The following NCOR2 variants were observed in gnomAD, a reference collection of about 807,000 sequenced individuals.
NCOR2 encodes CTG repeat protein 26.
Under a neutral mutation model 262.9 loss-of-function variants are expected in NCOR2, and 81 were observed. The ratio of observed to expected loss-of-function variants is 0.31; its 90% CI spans 0.26 to 0.37. The LOEUF (loss-of-function observed/expected upper bound fraction) is 0.37. Ranked by LOEUF, NCOR2 falls within the 10% of genes least tolerant of loss-of-function variation. NCOR2 has a pLI of 1.00. For missense variants in NCOR2, 3,385 were observed against 3,621.4 expected, an observed-to-expected ratio of 0.93 and a Z score of 1.68; for synonymous variants, 1,659 against 1,559.3, an observed-to-expected ratio of 1.06 and a Z score of -1.51.
At chr12:124,486,467 C>T in exon 2 of NCOR2, 1 of 1,612,712 alleles carries the variant, frequency 6.2e-7, no homozygotes. Context: ...GGAACTCAGA[C>T]AGCAGGGAGG....
In NCOR2 at chr12:124,414,145, C is replaced by T. The variant is rs12582084; in HGVS notation, c.1482+5812G>A. Among the ~76,000 whole-genome samples the T allele has an allele frequency of 4.6e-3, 703 of 152,330 alleles. 16 individuals are homozygous for T. In the East Asian group the frequency reaches 0.066, roughly 14 times the overall value. The stretch of plus-strand genomic sequence containing the variant: ...TCAGGGCTGGCTTCCAGAAGGCTGG[C>T]TTTATGGCCAGTGTGCTGCCGAGGG... On this transcript the variant is annotated intron_variant, in intron 13 of 46. Coordinates refer to ENST00000405201, the Ensembl canonical transcript of NCOR2.
At chr12:124,331,223 T>C (rs1437605619) in intron 43 of NCOR2, among the ~76,000 whole-genome samples, 1 of 151,856 alleles carries the variant, frequency 6.6e-6, no homozygotes, top group Non-Finnish European at 1.5e-5. Context: ...CCACCACGCC[T>C]GGCTAATTTT....
chr12:124,472,712 CG>C (rs2046891797), intron 4 of NCOR2, among the ~76,000 whole-genome samples: 1 of 152,168 alleles, frequency 6.6e-6, no homozygotes, highest in African/African-American at 2.4e-5. Context: ...GTTCCTCAGT[CG>C]CAGTAGGCAC....
chr12:124,386,137 T>C (rs547290054), intron 16 of NCOR2, among the ~76,000 whole-genome samples: 13 of 151,928 alleles, frequency 8.6e-5, no homozygotes, highest in Admixed American at 7.9e-4. Flanking sequence ...CCAGGATGCA[T>C]GGGAAAGGCC....
upstream of NCOR2, among the ~76,000 whole-genome samples, chr12:124,499,560 G>A (rs534085253): frequency 1.3e-5 from 2 of 152,354 alleles, no homozygotes; most frequent in South Asian, 2.1e-4. Context: ...GGAGGTGAGC[G>A]CCAGCTGGTG....
intron 3 of NCOR2, among the ~76,000 whole-genome samples, chr12:124,477,822 CA>C (rs140439788): frequency 0.082 from 12,541 of 152,230 alleles, 675 homozygotes; most frequent in East Asian, 0.16. Flanking sequence ...CACAAGTTGC[CA>C]GGGGGCAGTG....
rs752151443 is a variant in NCOR2, at chr12:124,495,120, C to G, written c.105+27G>C. Reference sequence around the variant, plus strand: ...GGAAGAAGGGTCTCAAAGGTAGCCCCAGGCGCACACATGTGCACCCCCTTA... The same window carrying G: ...GGAAGAAGGGTCTCAAAGGTAGCCCGAGGCGCACACATGTGCACCCCCTTA... On this transcript the variant is annotated intron_variant, in intron 1 of 46. Coordinates refer to ENST00000405201, the Ensembl canonical transcript of NCOR2. The surrounding 1 kb of genome is among the most constrained non-coding windows in gnomAD (Gnocchi z 4.4). 4 of 1,610,964 alleles carry G rather than the reference C, an allele frequency of 2.5e-6. No individual in the cohort carries two copies. In the Admixed American group the frequency reaches 6.7e-5, roughly 27 times the overall value.
At chr12:124,372,252 C>G in exon 20 of NCOR2, 1 of 1,589,208 alleles carries the variant, frequency 6.3e-7, no homozygotes. Context: ...TGACGGGCTC[C>G]TCGGCCTTCC....
At chr12:124,358,072 G>A (rs1240466371) in intron 22 of NCOR2, among the ~76,000 whole-genome samples, 2 of 145,666 alleles carry the variant, frequency 1.4e-5, no homozygotes, top group Admixed American at 6.8e-5. Context: ...AATGTTGAAG[G>A]AGGTAACCTG....
rs202161058 is a variant in NCOR2 at position 124,472,941 on chromosome 12, C to T, written c.591+11G>A. Reference sequence around the variant, plus strand: ...AGAACAAACACTCCCCCTCCCCCTGCCCATTCACACCTGCTTCTTCTTCAG... The same window carrying T: ...AGAACAAACACTCCCCCTCCCCCTGTCCATTCACACCTGCTTCTTCTTCAG... On this transcript the variant is annotated intron_variant, in intron 4 of 46. Coordinates refer to ENST00000405201, the Ensembl canonical transcript of NCOR2. 1.9e-6 allele frequency: 3 copies of T among 1,613,544 alleles called. No individual in the cohort carries two copies. The highest frequency in any genetic ancestry group is 1.1e-5 in the South Asian group (1 of 91,070).
intron 13 of NCOR2, among the ~76,000 whole-genome samples, chr12:124,419,637 T>C (rs192753613): frequency 3.9e-5 from 6 of 152,372 alleles, no homozygotes; most frequent in African/African-American, 1.4e-4. Flanking sequence ...GTAGCCTTTT[T>C]ACGCACAGAG....
chr12:124,507,605 C>T (rs1382114318), intron 1 of NCOR2, among the ~76,000 whole-genome samples: 2 of 152,240 alleles, frequency 1.3e-5, no homozygotes. Context: ...CGACTTGCAC[C>T]TCTGATCCCT....
chr12:124,417,842 T>C (rs1309560226), intron 13 of NCOR2, among the ~76,000 whole-genome samples: 1 of 152,074 alleles, frequency 6.6e-6, no homozygotes, highest in African/African-American at 2.4e-5. Context: ...AGGTGGATCA[T>C]CTAGGTCAGG....
At chr12:124,544,433 A>G (rs2051479130) in intron 1 of NCOR2, among the ~76,000 whole-genome samples, 1 of 152,182 alleles carries the variant, frequency 6.6e-6, no homozygotes, top group Admixed American at 6.5e-5. Context: ...TGGCCTTTAG[A>G]AGCTCCCTGG....
chr12:124,327,427 G>C, exon 45 of NCOR2: 1 of 1,611,168 alleles, frequency 6.2e-7, no homozygotes, highest in Non-Finnish European at 8.5e-7. Context: ...GTGAGTGTGT[G>C]GTCACTCCGT....
intron 24 of NCOR2, 141 bp from the exon 27 acceptor site, chr12:124,355,080 C>G: frequency 1.4e-6 from 1 of 702,326 alleles, no homozygotes; most frequent in Non-Finnish European, 2.3e-6. Flanking sequence ...GCAGACAAGT[C>G]ACTGCTACTC....
At chr12:124,474,054 C>T (rs370411068) in intron 3 of NCOR2, among the ~76,000 whole-genome samples, 4 of 152,212 alleles carry the variant, frequency 2.6e-5, no homozygotes, top group South Asian at 2.1e-4. Flanking sequence ...ACTCCCTGTT[C>T]GCGTAACACA....
At chr12:124,474,132 C>T (rs1458419033) in intron 3 of NCOR2, among the ~76,000 whole-genome samples, 3 of 152,236 alleles carry the variant, frequency 2.0e-5, no homozygotes, top group Non-Finnish European at 4.4e-5. Context: ...CCCACAGCCT[C>T]CATTCTCCCA....
chr12:124,518,765 C>G (rs887007021), intron 1 of NCOR2, among the ~76,000 whole-genome samples: 2 of 152,214 alleles, frequency 1.3e-5, no homozygotes, highest in South Asian at 2.1e-4. Context: ...CGCTGGCAGG[C>G]GAAAGAGAGC....
Sources: gnomAD v4.1 joint callset for allele counts (sites outside exome capture counted in the v4.1 genomes callset) on GRCh38, gnomAD v4.1.1 for gene constraint, Gnocchi (gnomAD v3.1) non-coding constraint, MANE v1.5 for transcripts, NCBI Gene and HGNC (gene_info 2026-07-23, HGNC 2026-07-21) for gene names.